The following GIPC3 variants were observed in gnomAD, a reference collection of about 807,000 sequenced individuals.
GIPC3 encodes PDZ domain-containing protein GIPC3.
A neutral mutation model predicts 27.3 loss-of-function variants in GIPC3; 16 were observed. The observed-to-expected ratio is 0.59, with a 90% confidence interval of 0.40 to 0.89. GIPC3 has a LOEUF of 0.89. GIPC3 is among the 40% of genes least tolerant of loss of function. GIPC3 has a pLI of 0.00. For synonymous variants in GIPC3, 194 were observed against 184.6 expected (o/e 1.05, Z -0.41); for missense variants, 440 against 442.1 (o/e 1.00, Z 0.04).
At position 3,591,730 on chromosome 19, in the gene GIPC3, C is replaced by T. The variant is rs2032490771; in HGVS notation, c.*1540C>T. 5 of 1,233,652 alleles carry T rather than the reference C, an allele frequency of 4.1e-6. No homozygotes were observed. Among genetic ancestry groups the T allele is most frequent in the Middle Eastern group, 3.1e-4 (1 of 3,244 alleles). 76.4% of individuals were successfully genotyped at this position (1,233,652 alleles called of 1,614,324 possible). On this transcript the variant is annotated 3_prime_UTR_variant, in exon 6 of 6. Coordinates refer to ENST00000644452, the MANE Select transcript of GIPC3 (RefSeq NM_133261.3). Reference sequence around the variant, plus strand: ...TCCAGCTCCAGTGATGATTCCAGCTCTGAGACTGAGCCCAGCTCTAGAACC... The same window carrying T: ...TCCAGCTCCAGTGATGATTCCAGCTTTGAGACTGAGCCCAGCTCTAGAACC...
At position 3,592,771 on chromosome 19, in the gene GIPC3, GTTCTGGAACCCAGCCTGT is replaced by G. The variant is rs1000968622; in HGVS notation, c.*2594_*2611del. ...CAGCCCAGCCCTGGAGCCCACCTTA[GTTCTGGAACCCAGCCTGT>G]TTCTGGAACCCAATCCAGTTCCAGA... On this transcript the variant is annotated 3_prime_UTR_variant, in exon 6 of 6. Transcript: ENST00000644452. 1.1e-5 allele frequency: 13 copies of G among 1,232,002 alleles called. No homozygotes were observed. The African/African-American group carries it at 2.0e-4, about 19-fold the overall frequency. The allele number at this position is 1,232,002 out of a possible 1,614,324, so 76.3% of individuals were successfully genotyped here.
intron 3 of GIPC3, among the ~76,000 whole-genome samples, chr19:3,587,663 TTTTTTTTTTCC>T (rs2032397719): frequency 6.8e-6 from 1 of 146,468 alleles, no homozygotes; most frequent in African/African-American, 2.6e-5. Context: ...CTTTCTTTTC[TTTTTTTTTTCC>T]TTTCTTTTTT....
Position 3,591,453 on chromosome 19 carries a change from G to A in GIPC3, c.*1263G>A. On this transcript the variant is annotated 3_prime_UTR_variant, in exon 6 of 6. Transcript: ENST00000644452. ...AACTCAAGCTGACTCTGGAACTCTGGACAGCTCCACGATGCAGCCACACCT... is the reference window on the plus strand; with the variant it reads ...AACTCAAGCTGACTCTGGAACTCTGAACAGCTCCACGATGCAGCCACACCT... 1 of 1,232,326 alleles carries A rather than the reference G, an allele frequency of 8.1e-7. No individual in the cohort carries two copies. The highest frequency in any genetic ancestry group is 1.0e-6 in the Non-Finnish European group (1 of 988,250). The allele number at this position is 1,232,326 out of a possible 1,614,324, so 76.3% of individuals were successfully genotyped here.
chr19:3,592,727 C>G lies in GIPC3; in HGVS notation c.*2537C>G, dbSNP rs912181163. The G allele has an allele frequency of 4.1e-6, 5 of 1,231,614 alleles. No homozygotes were observed. Among genetic ancestry groups the G allele is most frequent in the Non-Finnish European group, 5.1e-6 (5 of 987,692 alleles). The allele number at this position is 1,231,614 out of a possible 1,614,324, so 76.3% of individuals were successfully genotyped here. On this transcript the variant is annotated 3_prime_UTR_variant, in exon 6 of 6. Transcript: ENST00000644452. Reference sequence around the variant, plus strand: ...CTGAGACCGGGCTCAGCTCTGAAACCCAGACCGGCTCAAGAATTCAGCCCA... The same window carrying G: ...CTGAGACCGGGCTCAGCTCTGAAACGCAGACCGGCTCAAGAATTCAGCCCA...
At position 3,590,155 on chromosome 19, in the gene GIPC3, G is replaced by A; in HGVS notation, c.904G>A (p.Ala302Thr). ...FPDEFVVEVW[A>T]AIGEAREACG is the part of the protein sequence containing the mutation. The stretch of plus-strand genomic sequence containing the variant: ...CGACGAGTTTGTGGTGGAAGTGTGG[G>A]CCGCCATCGGCGAGGCCAGAGAGGC... The change falls in exon 6 of 6, where the codon GCC becomes ACC. Residue 302 changes from alanine to threonine, a missense_variant. Ala to Thr is a moderately conservative substitution (Grantham distance 58). Transcript: ENST00000644452. The A allele has an allele frequency of 6.2e-7, 1 of 1,608,582 alleles. No homozygotes were observed. The highest frequency in any genetic ancestry group is 8.5e-7 in the Non-Finnish European group (1 of 1,178,072).
Position 3,590,875 on chromosome 19 carries a change from A to T in GIPC3, c.*685A>T, listed in dbSNP as rs1013724514. The T allele has an allele frequency of 1.8e-5, 22 of 1,234,722 alleles. No homozygotes were observed. The highest frequency in any genetic ancestry group is 3.2e-5 in the East Asian group (1 of 31,642). The allele number at this position is 1,234,722 out of a possible 1,614,324, so 76.5% of individuals were successfully genotyped here. ...AGAACTCAGATGGGCTCCGAGACCAAGCCCAGCTCTAGAACCCAGATGAGC... is the reference window on the plus strand; with the variant it reads ...AGAACTCAGATGGGCTCCGAGACCATGCCCAGCTCTAGAACCCAGATGAGC... On this transcript the variant is annotated 3_prime_UTR_variant, in exon 6 of 6. Transcript: ENST00000644452.
chr19:3,588,673 A>G (rs113339012), intron 3 of GIPC3, among the ~76,000 whole-genome samples: 2 of 148,106 alleles, frequency 1.4e-5, no homozygotes, highest in Non-Finnish European at 3.0e-5. Flanking sequence ...GGCTGGGTGC[A>G]GTGGCTCAAG....
At chr19:3,588,912 C>G (rs1334301288) in intron 3 of GIPC3, among the ~76,000 whole-genome samples, 2 of 148,820 alleles carry the variant, frequency 1.3e-5, no homozygotes, top group Admixed American at 6.8e-5. Flanking sequence ...CCATTGCACT[C>G]TAGCCTGGGT....
chr19:3,590,022 TC>T lies in GIPC3; in HGVS notation c.788-16del, dbSNP rs765640676. The T allele has an allele frequency of 6.2e-7, 1 of 1,612,984 alleles. No individual in the cohort carries two copies. The highest frequency in any genetic ancestry group is 1.7e-5 in the Admixed American group (1 of 59,838). On this transcript the variant is annotated splice_polypyrimidine_tract_variant and intron_variant, in intron 5 of 5. Coordinates refer to ENST00000644452, the MANE Select transcript of GIPC3 (RefSeq NM_133261.3). ...GGGGAGTGCCCTCACTGACATCCCC[TC>T]TGGCACGGCCCGCAGCGTCCACCAT...
At chr19:3,586,345 C>T (rs1177367370) in intron 1 of GIPC3, 150 bp from the exon 2 acceptor site, 1 of 735,144 alleles carries the variant, frequency 1.4e-6, no homozygotes, top group Non-Finnish European at 2.4e-6. Flanking sequence ...GTCTCCTTCT[C>T]CCTCCTCTCT....
chr19:3,585,546 G>A lies in GIPC3; in HGVS notation c.-52G>A. On this transcript the variant is annotated 5_prime_UTR_variant, in exon 1 of 6. Coordinates refer to ENST00000644452, the MANE Select transcript of GIPC3 (RefSeq NM_133261.3). ...GGGAGGGGAGGCTGCAGGAAGCGGC[G>A]GATCCGGCGGCGGCGGCGAGGGCCC... 1.3e-5 allele frequency: 15 copies of A among 1,128,994 alleles called. No homozygotes were observed. The highest frequency in any genetic ancestry group is 1.6e-5 in the Non-Finnish European group (15 of 922,320). The allele number at this position is 1,128,994 out of a possible 1,614,324, so 69.9% of individuals were successfully genotyped here.
intron 1 of GIPC3, 71 bp from the exon 2 acceptor site, chr19:3,586,424 T>A: frequency 1.4e-6 from 2 of 1,391,202 alleles, no homozygotes; most frequent in South Asian, 2.3e-5. Context: ...GGCAGGGGCC[T>A]GCGCAGACAG....
Position 3,591,865 on chromosome 19 carries a change from A to T in GIPC3, c.*1675A>T. On this transcript the variant is annotated 3_prime_UTR_variant, in exon 6 of 6. Transcript: ENST00000644452. Reference sequence around the variant, plus strand: ...AGCACACAGCTTGGTGCCAAGCCCCACTCTCCTTGCACAATGCAGCTCAGC... The same window carrying T: ...AGCACACAGCTTGGTGCCAAGCCCCTCTCTCCTTGCACAATGCAGCTCAGC... 2 of 1,232,728 alleles carry T rather than the reference A, an allele frequency of 1.6e-6. No homozygotes were observed. The highest frequency in any genetic ancestry group is 2.0e-6 in the Non-Finnish European group (2 of 988,742). 76.4% of individuals were successfully genotyped at this position (1,232,728 alleles called of 1,614,324 possible). A position where few individuals can be genotyped will look rare whatever the true frequency, so the allele number is the denominator to read the frequency against.
chr19:3,586,761 G>C lies in GIPC3; in HGVS notation c.412-53G>C, dbSNP rs2032374411. The C allele has an allele frequency of 6.8e-6, 11 of 1,612,212 alleles. 1 individual carries two copies. In the South Asian group the frequency reaches 9.9e-5, roughly 14 times the overall value. On this transcript the variant is annotated intron_variant, in intron 2 of 5. Coordinates refer to ENST00000644452, the MANE Select transcript of GIPC3 (RefSeq NM_133261.3). ...ACTCTGGGTCGACGTGGGTTCTGCG[G>C]ATTGGAGGCGGGTGGCTGGGGTTGC...
Position 3,591,856 on chromosome 19 carries a change from C to A in GIPC3, c.*1666C>A, listed in dbSNP as rs116663897. On this transcript the variant is annotated 3_prime_UTR_variant, in exon 6 of 6. Transcript: ENST00000644452. ...CCCAGCTCCAGCACACAGCTTGGTG[C>A]CAAGCCCCACTCTCCTTGCACAATG... 1.1e-3 allele frequency: 1,379 copies of A among 1,233,154 alleles called. 20 individuals carry two copies. In the African/African-American group the frequency reaches 0.02, roughly 18 times the overall value. 76.4% of individuals were successfully genotyped at this position (1,233,154 alleles called of 1,614,324 possible).
chr19:3,585,729 G>C lies in GIPC3; in HGVS notation c.132G>C (p.Ala44=), dbSNP rs80060313. The change falls in exon 1 of 6, where the codon GCG becomes GCC. Residue 44 remains alanine (A), a synonymous_variant. Transcript: ENST00000644452. ...RPRLVFRTQL[A]HGSPTGKIEG... ...GCCTCGTCTTCCGCACGCAGCTGGCGCACGGGAGCCCCACGGGCAAGATCG... is the reference window on the plus strand; with the variant it reads ...GCCTCGTCTTCCGCACGCAGCTGGCCCACGGGAGCCCCACGGGCAAGATCG... 477 of 1,531,040 alleles carry C rather than the reference G, an allele frequency of 3.1e-4. 1 individual carries two copies. In the African/African-American group the frequency reaches 6.2e-3, roughly 20 times the overall value. 94.8% of individuals were successfully genotyped at this position (1,531,040 alleles called of 1,614,324 possible).
At chr19:3,586,709 T>C in intron 2 of GIPC3, 29 bp downstream of exon 2, 1 of 1,608,834 alleles carries the variant, frequency 6.2e-7, no homozygotes, top group Non-Finnish European at 8.5e-7. Flanking sequence ...GCGGGTGGCT[T>C]CCTGGGGTCC....
Position 3,591,060 on chromosome 19 carries a change from T to C in GIPC3, c.*870T>C, listed in dbSNP as rs937977582. 1.1e-4 allele frequency: 136 copies of C among 1,222,700 alleles called. No individual in the cohort carries two copies. Among genetic ancestry groups the C allele is most frequent in the Non-Finnish European group, 1.3e-4 (133 of 986,410 alleles). 75.7% of individuals were successfully genotyped at this position (1,222,700 alleles called of 1,614,324 possible). Reference sequence around the variant, plus strand: ...CAAGCCCAGCATAGAGACCAAGCCGTGTTCTAGAATTCAGGCCACATCTGA... The same window carrying C: ...CAAGCCCAGCATAGAGACCAAGCCGCGTTCTAGAATTCAGGCCACATCTGA... On this transcript the variant is annotated 3_prime_UTR_variant, in exon 6 of 6. Coordinates refer to ENST00000644452, the MANE Select transcript of GIPC3 (RefSeq NM_133261.3).
chr19:3,589,865 T>C lies in GIPC3; in HGVS notation c.740T>C (p.Val247Ala). The C allele has an allele frequency of 1.2e-6, 2 of 1,613,692 alleles. No individual in the cohort carries two copies. The highest frequency in any genetic ancestry group is 1.3e-5 in the African/African-American group (1 of 74,978). Residue 247 changes from valine to alanine, a missense_variant, in exon 5 of 6, where the codon GTT (valine) becomes GCT (alanine). Physicochemically the swap from Val to Ala is moderately conservative, Grantham distance 64. Coordinates refer to ENST00000644452, the MANE Select transcript of GIPC3 (RefSeq NM_133261.3). ...SEFEEEASRK[V>A]DDLLESYMGI... ...TTTGAGGAGGAGGCATCTCGGAAGG[T>C]TGATGACCTGCTGGAAAGCTACATG...
Sources: allele counts gnomAD v4.1 joint callset (sites outside exome capture counted in the v4.1 genomes callset), GRCh38; gene constraint gnomAD v4.1.1; transcripts MANE v1.5; gene names NCBI Gene and HGNC (gene_info 2026-07-23, HGNC 2026-07-21).